Variants in MYO1E observed in about 807,000 individuals in gnomAD.
The protein encoded by MYO1E is unconventional myosin-Ie.
Under a neutral mutation model 151.1 loss-of-function variants are expected in MYO1E, and 68 were observed. The ratio of observed to expected loss-of-function variants is 0.45; its 90% CI spans 0.37 to 0.55. The LOEUF is 0.55. MYO1E is among the 20% of genes least tolerant of loss of function. MYO1E has a pLI of 0.00. For missense variants in MYO1E, 1,363 were observed against 1,389.3 expected, an observed-to-expected ratio of 0.98 and a Z score of 0.30; for synonymous variants, 601 against 501.7, an observed-to-expected ratio of 1.20 and a Z score of -2.64.
intron 16 of MYO1E, among the ~76,000 whole-genome samples, chr15:59,199,994 C>T (rs1181254357): frequency 6.6e-6 from 1 of 152,162 alleles, no homozygotes; most frequent in Non-Finnish European, 1.5e-5. Flanking sequence ...GCTGTACTCT[C>T]TTTAGGTAAA....
At chr15:59,309,108 T>G (rs1363406280) in intron 1 of MYO1E, among the ~76,000 whole-genome samples, 2 of 151,904 alleles carry the variant, frequency 1.3e-5, no homozygotes, top group African/African-American at 4.8e-5. Context: ...AGTGAGACCT[T>G]GTCTCTAAAA....
Position 59,195,549 on chromosome 15 carries a change from C to A in MYO1E, c.1717G>T (p.Val573Leu). ...SKIKKQANDL[V>L]STLMKCTPHY... ...GGCGTACATTTCATCAGGGTGCTCA[C>A]AAGGTCATTGGCTTGTTTCTAGAAA... Residue 573 changes from valine to leucine, a missense_variant, in exon 17 of 28, where the codon GTG (valine) becomes TTG (leucine). By Grantham distance (32) the Val-to-Leu change is conservative. Transcript: ENST00000288235. The A allele has an allele frequency of 1.2e-6, 2 of 1,613,980 alleles. No individual in the cohort carries two copies. The highest frequency in any genetic ancestry group is 1.7e-6 in the Non-Finnish European group (2 of 1,179,856).
chr15:59,263,465 G>A (rs1321159094), intron 2 of MYO1E, among the ~76,000 whole-genome samples: 1 of 152,186 alleles, frequency 6.6e-6, no homozygotes, highest in African/African-American at 2.4e-5. Context: ...TGCTGTTTTA[G>A]AGGCAATGGT....
At chr15:59,144,935 C>G (rs1260543059) in intron 26 of MYO1E, among the ~76,000 whole-genome samples, 1 of 152,188 alleles carries the variant, frequency 6.6e-6, no homozygotes, top group African/African-American at 2.4e-5. Context: ...CCTCCACCTC[C>G]TGGGTTCAAG....
intron 1 of MYO1E, 35 bp downstream of exon 1, chr15:59,372,463 G>T (rs1255437129): frequency 6.5e-7 from 1 of 1,537,354 alleles, no homozygotes; most frequent in Admixed American, 2.0e-5. Flanking sequence ...CCGTCCCCGG[G>T]TCCGGCGTCC....
intron 4 of MYO1E, among the ~76,000 whole-genome samples, chr15:59,240,661 A>C (rs1276921526): frequency 1.3e-5 from 2 of 152,104 alleles, no homozygotes; most frequent in Non-Finnish European, 2.9e-5. Flanking sequence ...CCACTGTTGG[A>C]CGACTCACCA....
intron 9 of MYO1E, among the ~76,000 whole-genome samples, chr15:59,222,542 A>G (rs574131840): frequency 1.5e-4 from 23 of 152,314 alleles, no homozygotes; most frequent in African/African-American, 4.8e-4. Flanking sequence ...ACAACAGTCA[A>G]TGTCCATCTT....
rs758069417 is a variant in MYO1E, at chr15:59,256,388, CAAA to C, written c.238-13_238-11del. 1.3e-6 allele frequency: 2 copies of C among 1,483,170 alleles called. No individual in the cohort carries two copies. Among genetic ancestry groups the C allele is most frequent in the Non-Finnish European group, 1.9e-6 (2 of 1,076,462 alleles). 91.9% of individuals were successfully genotyped at this position (1,483,170 alleles called of 1,614,324 possible). On this transcript the variant is annotated splice_polypyrimidine_tract_variant and intron_variant, in intron 3 of 27. Transcript: ENST00000288235. ...GGTTTTCATACTGTGCCTAGAAAAG[CAAA>C]AAATAATAATACATAAATAATAATA...
At chr15:59,361,461 G>C (rs1322495201) in intron 1 of MYO1E, among the ~76,000 whole-genome samples, 1 of 152,100 alleles carries the variant, frequency 6.6e-6, no homozygotes, top group Non-Finnish European at 1.5e-5. Flanking sequence ...AACTGTCATT[G>C]AAATAACCTG....
intron 7 of MYO1E, 151 bp from the exon 8 acceptor site, chr15:59,224,974 A>G (rs1427020967): frequency 9.8e-7 from 1 of 1,023,806 alleles, no homozygotes; most frequent in African/African-American, 1.6e-5. Flanking sequence ...TACTTGTAGT[A>G]GCCCCAGGTC....
intron 1 of MYO1E, among the ~76,000 whole-genome samples, chr15:59,288,367 G>C (rs765283006): frequency 3.9e-5 from 6 of 152,030 alleles, no homozygotes; most frequent in Non-Finnish European, 5.9e-5. Flanking sequence ...GTAGGGATGG[G>C]GGTCTCACTA....
At chr15:59,167,779 C>T (rs193180877) in intron 22 of MYO1E, among the ~76,000 whole-genome samples, 17 of 152,280 alleles carry the variant, frequency 1.1e-4, no homozygotes, top group Middle Eastern at 3.4e-3. Context: ...TGGGCTCAAG[C>T]GATTCTCCTG....
chr15:59,316,399 G>C (rs912845795), intron 1 of MYO1E, among the ~76,000 whole-genome samples: 5 of 152,122 alleles, frequency 3.3e-5, no homozygotes, highest in Admixed American at 6.6e-5. Context: ...CTCCAGACTG[G>C]AGGCCAAAAT....
Position 59,137,303 on chromosome 15 carries a change from AG to A in MYO1E, c.*76del, listed in dbSNP as rs796718821. 4.2e-5 allele frequency: 54 copies of A among 1,301,106 alleles called. No individual in the cohort carries two copies. The African/African-American group carries it at 5.8e-4, about 14-fold the overall frequency. 80.6% of individuals were successfully genotyped at this position (1,301,106 alleles called of 1,614,324 possible). A position where few individuals can be genotyped will look rare whatever the true frequency, so the allele number is the denominator to read the frequency against. On this transcript the variant is annotated 3_prime_UTR_variant, in exon 28 of 28. Transcript: ENST00000288235. ...AAGCAATTGCTCATTGTGGATTGTAAGGGGAGCCCCTAAATATCCCCTCCCC... is the reference window on the plus strand; with the variant it reads ...AAGCAATTGCTCATTGTGGATTGTAAGGGAGCCCCTAAATATCCCCTCCCC...
At chr15:59,293,496 A>C (rs760574743) in intron 1 of MYO1E, among the ~76,000 whole-genome samples, 4 of 151,956 alleles carry the variant, frequency 2.6e-5, no homozygotes, top group South Asian at 2.1e-4. Flanking sequence ...CAGTGAGCCA[A>C]GATCACACCA....
intron 1 of MYO1E, among the ~76,000 whole-genome samples, chr15:59,292,533 T>C (rs571584416): frequency 6.6e-6 from 1 of 152,222 alleles, no homozygotes; most frequent in South Asian, 2.1e-4. Flanking sequence ...CCTAAAACAA[T>C]GTGCAGTTCC....
chr15:59,196,986 C>CTTTTGTTTTTTT (rs2079770539), intron 16 of MYO1E, among the ~76,000 whole-genome samples: 1 of 71,492 alleles, frequency 1.4e-5, no homozygotes, highest in Non-Finnish European at 2.5e-5. Flanking sequence ...TTAATTACGA[C>CTTTTGTTTTTTT]TTTTTTTTTT....
At chr15:59,328,122 C>CA (rs2080676862) in intron 1 of MYO1E, among the ~76,000 whole-genome samples, 1 of 152,212 alleles carries the variant, frequency 6.6e-6, no homozygotes, top group Non-Finnish European at 1.5e-5. Context: ...GGCTGGGTGG[C>CA]AGAGGTGTCA....
At position 59,236,601 on chromosome 15, in the gene MYO1E, C is replaced by T. The variant is rs769196683; in HGVS notation, c.404G>A (p.Gly135Glu). 8.1e-6 allele frequency: 13 copies of T among 1,613,366 alleles called. No individual in the cohort carries two copies. Among genetic ancestry groups the T allele is most frequent in the Non-Finnish European group, 1.0e-5 (12 of 1,179,516 alleles). ...IMSYISRVSG[G>E]GTKVQHVKDI... ...CCCACTCACCTGGACTTTGGTCCCT[C>T]CTCCAGACACTCTGGAGATGTAGCT... Residue 135 changes from glycine to glutamate, a missense_variant, in exon 5 of 28, where the codon GGA (glycine) becomes GAA (glutamate). Gly to Glu is a moderately conservative substitution (Grantham distance 98). Transcript: ENST00000288235.
Sources: allele counts gnomAD v4.1 joint callset (sites outside exome capture counted in the v4.1 genomes callset), GRCh38; gene constraint gnomAD v4.1.1; transcripts MANE v1.5; gene names NCBI Gene and HGNC (gene_info 2026-07-23, HGNC 2026-07-21).